Variants in TTL observed in about 807,000 individuals in gnomAD.
TTL encodes tubulin--tyrosine ligase.
Under a neutral mutation model 41.1 loss-of-function variants are expected in TTL, and 10 were observed. That is an observed-to-expected ratio of 0.24 (90% CI 0.15 to 0.41). TTL has a LOEUF of 0.41. TTL is among the 10% of genes least tolerant of loss of function. The pLI is 1.00. For missense variants in TTL, 367 were observed against 460.4 expected (o/e 0.80, Z 1.86); for synonymous variants, 175 against 175.5 (o/e 1.00, Z 0.02).
chr2:112,516,599 G>A (rs1352224354), intron 5 of TTL, among the ~76,000 whole-genome samples: 6 of 152,116 alleles, frequency 3.9e-5, no homozygotes, highest in South Asian at 4.1e-4. Context: ...GCTTGAACCC[G>A]GGAGGTGGAG....
At chr2:112,509,096 T>A (rs1213799554) in intron 5 of TTL, among the ~76,000 whole-genome samples, 3 of 119,584 alleles carry the variant, frequency 2.5e-5, no homozygotes, top group Non-Finnish European at 5.2e-5. Context: ...AGTGTGCCCC[T>A]GCTTGGGGGT....
intron 6 of TTL, chr2:112,521,101 T>G: frequency 5.9e-6 from 5 of 852,180 alleles, no homozygotes; most frequent in Non-Finnish European, 7.1e-6. Context: ...ATCTTAGACA[T>G]GGGGGGTCTG....
chr2:112,490,690 G>T (rs1438125679), intron 2 of TTL, among the ~76,000 whole-genome samples: 2 of 144,586 alleles, frequency 1.4e-5, no homozygotes, highest in South Asian at 2.3e-4. Flanking sequence ...TCCTGCCTCA[G>T]CCTCCCAAGT....
rs550914393 is a variant in TTL, at chr2:112,482,172, C to T, written c.-173C>T. On this transcript the variant is annotated 5_prime_UTR_variant, in exon 1 of 7. Transcript: ENST00000233336. This position sits in a 1 kb window ranked among gnomAD's most constrained non-coding sequence, Gnocchi z 5.3. ...GCGAGCGGCGCTTTCCTCTCCGGCA[C>T]CCGGCGGGCGCCCGGGCGCGGCGCC... The T allele has an allele frequency of 1.0e-5, 2 of 193,002 alleles. No homozygotes were observed. The highest frequency in any genetic ancestry group is 6.8e-5 in the Admixed American group (1 of 14,758). 12.0% of individuals were successfully genotyped at this position (193,002 alleles called of 1,614,324 possible). A position where few individuals can be genotyped will look rare whatever the true frequency, so the allele number is the denominator to read the frequency against.
At chr2:112,522,988 C>T (rs977434751) in intron 6 of TTL, among the ~76,000 whole-genome samples, 4 of 152,220 alleles carry the variant, frequency 2.6e-5, no homozygotes, top group Non-Finnish European at 5.9e-5. Flanking sequence ...CCAGACCATG[C>T]CATTCTCCAG....
intron 5 of TTL, among the ~76,000 whole-genome samples, chr2:112,512,339 T>G (rs2104466057): frequency 6.6e-6 from 1 of 152,092 alleles, no homozygotes; most frequent in South Asian, 2.1e-4. Context: ...CTCGGCTCAC[T>G]GCAAGCTCCG....
chr2:112,494,831 C>T (rs1385237260), intron 3 of TTL, among the ~76,000 whole-genome samples: 1 of 152,174 alleles, frequency 6.6e-6, no homozygotes, highest in African/African-American at 2.4e-5. Flanking sequence ...TCTGAATAGA[C>T]TATTTCTTGC....
intron 3 of TTL, among the ~76,000 whole-genome samples, chr2:112,495,774 G>A (rs955744981): frequency 6.6e-5 from 10 of 152,270 alleles, no homozygotes; most frequent in Non-Finnish European, 1.5e-4. Flanking sequence ...GTGAACCCGG[G>A]AAGTGGAGCT....
At position 112,540,094 on chromosome 2, in the gene TTL, C is replaced by G. The variant is rs1026794114; in HGVS notation, c.*11299C>G. On this transcript the variant is annotated 3_prime_UTR_variant, in exon 7 of 7. Transcript: ENST00000233336. ...GGATGAAAATAGGCCCCAAATTGAT[C>G]TACCAATTGAACACAATCCTGATCA... is the stretch of plus-strand genomic sequence containing the variant. 3.3e-5 allele frequency: 5 copies of G among 152,190 alleles called. No homozygotes were observed. The highest frequency in any genetic ancestry group is 5.9e-5 in the Non-Finnish European group (4 of 68,042). The allele number at this position is 152,190 out of a possible 1,614,324, so 9.4% of individuals were successfully genotyped here. A position where few individuals can be genotyped will look rare whatever the true frequency, so the allele number is the denominator to read the frequency against.
chr2:112,486,106 T>G, intron 2 of TTL, 111 bp downstream of exon 2: 1 of 1,117,946 alleles, frequency 8.9e-7, no homozygotes, highest in Admixed American at 2.2e-5. Context: ...CCAACAAATA[T>G]CAGTTCAGAA....
rs1681134667 is a variant in TTL at position 112,482,942 on chromosome 2, G to A, written c.157+441G>A. Among the ~76,000 whole-genome samples the A allele has an allele frequency of 6.6e-6, 1 of 152,230 alleles. No individual in the cohort carries two copies. Among genetic ancestry groups the A allele is most frequent in the African/African-American group, 2.4e-5 (1 of 41,466 alleles). On this transcript the variant is annotated intron_variant, in intron 1 of 6. Coordinates refer to ENST00000233336, the MANE Select transcript of TTL (RefSeq NM_153712.5). This position sits in a 1 kb window ranked among gnomAD's most constrained non-coding sequence, Gnocchi z 5.3. Reference sequence around the variant, plus strand: ...GGATTTCTCCCTGCTTGGCGTGGGCGCGGGCGGGGGAGCCGTAGGTGTTGA... The same window carrying A: ...GGATTTCTCCCTGCTTGGCGTGGGCACGGGCGGGGGAGCCGTAGGTGTTGA...
At chr2:112,521,043 G>A (rs772815914) in intron 6 of TTL, among the ~76,000 whole-genome samples, 2 of 152,140 alleles carry the variant, frequency 1.3e-5, no homozygotes, top group African/African-American at 2.4e-5. Flanking sequence ...ATGATGTGGC[G>A]ACCCAGAAGT....
Position 112,532,869 on chromosome 2 carries a change from T to C in TTL, c.*4074T>C, listed in dbSNP as rs1682538947. 1 of 152,438 alleles carries C rather than the reference T, an allele frequency of 6.6e-6. No homozygotes were observed. The highest frequency in any genetic ancestry group is 1.9e-4 in the East Asian group (1 of 5,210). The allele number at this position is 152,438 out of a possible 1,614,324, so 9.4% of individuals were successfully genotyped here. A position where few individuals can be genotyped will look rare whatever the true frequency, so the allele number is the denominator to read the frequency against. On this transcript the variant is annotated 3_prime_UTR_variant, in exon 7 of 7. Transcript: ENST00000233336. ...CCAACAGATTGTCCTTCAAAACTGATGAGCTTCTCAGTGAAGCACTGAGAC... is the reference window on the plus strand; with the variant it reads ...CCAACAGATTGTCCTTCAAAACTGACGAGCTTCTCAGTGAAGCACTGAGAC...
chr2:112,487,596 G>A (rs1681274234), intron 2 of TTL, among the ~76,000 whole-genome samples: 1 of 152,306 alleles, frequency 6.6e-6, no homozygotes. Flanking sequence ...GACCAACTGT[G>A]ATAAATATCT....
At chr2:112,526,702 C>T (rs932430027) in intron 6 of TTL, among the ~76,000 whole-genome samples, 6 of 150,720 alleles carry the variant, frequency 4.0e-5, no homozygotes, top group South Asian at 2.1e-4. Flanking sequence ...GTCTTGCTAG[C>T]GGTCTATCAG....
chr2:112,514,904 G>T (rs1178167907), intron 5 of TTL, among the ~76,000 whole-genome samples: 2 of 151,816 alleles, frequency 1.3e-5, no homozygotes, highest in African/African-American at 4.8e-5. Flanking sequence ...TCTCCCCATG[G>T]TTGTACTCAT....
chr2:112,522,736 C>A (rs1682274448), intron 6 of TTL, among the ~76,000 whole-genome samples: 1 of 152,162 alleles, frequency 6.6e-6, no homozygotes, highest in Non-Finnish European at 1.5e-5. Flanking sequence ...AGAGACTAAG[C>A]TCGAACCTGA....
rs185466777 is a variant in TTL, at chr2:112,521,940, C to T, written c.1019+1515C>T. 7.2e-5 allele frequency among the ~76,000 whole-genome samples: 11 copies of T among 152,270 alleles called. No homozygotes were observed. The South Asian group carries it at 1.5e-3, about 20-fold the overall frequency. On this transcript the variant is annotated intron_variant, in intron 6 of 6. Coordinates refer to ENST00000233336, the MANE Select transcript of TTL (RefSeq NM_153712.5). Reference sequence around the variant, plus strand: ...CTAAGGGCGGAATAAGGCAGGGATCCGCACCTTCCCTCACCAAATCAACAG... The same window carrying T: ...CTAAGGGCGGAATAAGGCAGGGATCTGCACCTTCCCTCACCAAATCAACAG...
rs768811629 is a variant in TTL, at chr2:112,501,246, C to T, written c.510C>T (p.Leu170=). The change falls in exon 4 of 7, where the codon CTC becomes CTT. Residue 170 remains leucine (L), a synonymous_variant. Coordinates refer to ENST00000233336, the MANE Select transcript of TTL (RefSeq NM_153712.5). ...TCTCCTCAGAGGCTTCAGAGCTTCT[C>T]GATTTCATAGACAACCAGGGCCAAG... is the stretch of plus-strand genomic sequence containing the variant. The part of the protein sequence containing the change: ...ILISSEASEL[L]DFIDNQGQVH... The T allele has an allele frequency of 1.7e-5, 27 of 1,613,664 alleles. No individual in the cohort carries two copies. The East Asian group carries it at 4.0e-4, about 24-fold the overall frequency.
Sources: allele counts gnomAD v4.1 joint callset (sites outside exome capture counted in the v4.1 genomes callset), GRCh38; gene constraint gnomAD v4.1.1; non-coding constraint Gnocchi (gnomAD v3.1); transcripts MANE v1.5; gene names NCBI Gene and HGNC (gene_info 2026-07-23, HGNC 2026-07-21).